Variants in CABLES1 observed in about 807,000 individuals in gnomAD.
CABLES1 encodes CDK5 and ABL1 enzyme substrate 1.
A neutral mutation model predicts 57.8 loss-of-function variants in CABLES1; 36 were observed. The ratio of observed to expected loss-of-function variants is 0.62; its 90% confidence interval spans 0.48 to 0.82. The LOEUF (loss-of-function observed/expected upper bound fraction) is 0.82, where lower values mean the gene tolerates loss of function less well. CABLES1 is among the 40% of genes least tolerant of loss of function. The pLI is 0.00. For missense variants in CABLES1, 767 were observed against 836.6 expected, an observed-to-expected ratio of 0.92 and a Z score of 1.03; for synonymous variants, 374 against 363.0, an observed-to-expected ratio of 1.03 and a Z score of -0.35.
chr18:23,190,322 G>A (rs751501049), intron 2 of CABLES1: 1 of 152,146 alleles, frequency 6.6e-6, no homozygotes, highest in African/African-American at 2.4e-5. Context: ...CATGAATAAC[G>A]TTGAGAAGCC....
chr18:23,162,839 G>A (rs113304254), intron 1 of CABLES1, among the ~76,000 whole-genome samples: 2 of 152,144 alleles, frequency 1.3e-5, no homozygotes, highest in African/African-American at 2.4e-5. Context: ...TATAAGCAGC[G>A]GGAAGAGGGA....
intron 1 of CABLES1, among the ~76,000 whole-genome samples, chr18:23,168,944 G>T (rs759547549): frequency 2.0e-5 from 3 of 152,222 alleles, no homozygotes; most frequent in Non-Finnish European, 4.4e-5. Context: ...CTACTGGGCT[G>T]CATTCCCAGA....
At chr18:23,203,458 TAAA>T (rs10617500) in intron 3 of CABLES1, among the ~76,000 whole-genome samples, 66 of 140,582 alleles carry the variant, frequency 4.7e-4, no homozygotes, top group Non-Finnish European at 7.9e-4. Context: ...TAGGATATGT[TAAA>T]AAAAAAAAAA....
intron 3 of CABLES1, among the ~76,000 whole-genome samples, chr18:23,195,397 A>C (rs930907647): frequency 2.6e-5 from 4 of 152,200 alleles, no homozygotes; most frequent in Admixed American, 2.0e-4. Context: ...ATAGAAGACC[A>C]TATGGGCCCC....
At chr18:23,201,245 C>T (rs1207071139) in intron 3 of CABLES1, among the ~76,000 whole-genome samples, 1 of 152,138 alleles carries the variant, frequency 6.6e-6, no homozygotes, top group Non-Finnish European at 1.5e-5. Flanking sequence ...TGTGTTCCAC[C>T]CCAGGCTCAC....
chr18:23,220,507 T>A (rs942284061), intron 4 of CABLES1, among the ~76,000 whole-genome samples: 5 of 152,208 alleles, frequency 3.3e-5, no homozygotes, highest in Non-Finnish European at 7.3e-5. Context: ...TTGTGTTTGC[T>A]GCTGTGGAGC....
At chr18:23,220,847 C>T (rs2047481833) in intron 4 of CABLES1, among the ~76,000 whole-genome samples, 1 of 152,198 alleles carries the variant, frequency 6.6e-6, no homozygotes, top group Non-Finnish European at 1.5e-5. Context: ...GAAAAATAAT[C>T]TGTGTAATTT....
intron 1 of CABLES1, among the ~76,000 whole-genome samples, chr18:23,137,039 A>C (rs1438328126): frequency 6.6e-6 from 1 of 152,206 alleles, no homozygotes. Flanking sequence ...TGTGAGCCTG[A>C]ACTTGTAGCA....
chr18:23,179,117 C>T (rs984738663), intron 1 of CABLES1, among the ~76,000 whole-genome samples: 2 of 152,074 alleles, frequency 1.3e-5, no homozygotes, highest in African/African-American at 4.8e-5. Context: ...GAAACCCTGT[C>T]TCTACTAAAA....
intron 1 of CABLES1, among the ~76,000 whole-genome samples, chr18:23,162,856 G>T (rs2047014532): frequency 1.3e-5 from 2 of 152,170 alleles, no homozygotes; most frequent in Non-Finnish European, 2.9e-5. Flanking sequence ...GGGAAGCAAA[G>T]CTGTTCATGT....
chr18:23,188,962 A>G, intron 2 of CABLES1, 53 bp downstream of exon 2: 1 of 1,312,502 alleles, frequency 7.6e-7, no homozygotes. Context: ...TGACAGCCAG[A>G]GATTGATTTT....
intron 1 of CABLES1, among the ~76,000 whole-genome samples, chr18:23,175,966 A>G (rs1002830156): frequency 6.6e-6 from 1 of 152,252 alleles, no homozygotes. Context: ...AAGTCAACCA[A>G]TCTACAAGTA....
At chr18:23,236,999 C>G in intron 6 of CABLES1, 143 bp from the exon 7 acceptor site, 1 of 636,444 alleles carries the variant, frequency 1.6e-6, no homozygotes, top group Non-Finnish European at 2.9e-6. Flanking sequence ...TAATAAAAGT[C>G]AGTGAGTGCC....
At chr18:23,200,236 A>G (rs964772181) in intron 3 of CABLES1, among the ~76,000 whole-genome samples, 22 of 152,072 alleles carry the variant, frequency 1.4e-4, no homozygotes, top group African/African-American at 5.3e-4. Flanking sequence ...CTTACAGTGG[A>G]AAAAAGTGTG....
chr18:23,159,153 A>C (rs2046985346), intron 1 of CABLES1, among the ~76,000 whole-genome samples: 1 of 152,132 alleles, frequency 6.6e-6, no homozygotes, highest in South Asian at 2.1e-4. Flanking sequence ...CTAGTAGAGA[A>C]AGGGTTTCGC....
chr18:23,184,025 G>T (rs1033209258), intron 1 of CABLES1, among the ~76,000 whole-genome samples: 1 of 152,130 alleles, frequency 6.6e-6, no homozygotes, highest in East Asian at 1.9e-4. Flanking sequence ...AGTTCACAGG[G>T]CAACCCTTGA....
At chr18:23,197,711 C>T (rs973540097) in intron 3 of CABLES1, 1 of 152,140 alleles carries the variant, frequency 6.6e-6, no homozygotes, top group Non-Finnish European at 1.5e-5. Flanking sequence ...AGGGATGCTG[C>T]TCTCAGCAAC....
At chr18:23,220,703 GC>G (rs1269265213) in intron 4 of CABLES1, among the ~76,000 whole-genome samples, 5 of 152,314 alleles carry the variant, frequency 3.3e-5, no homozygotes, top group Admixed American at 1.3e-4. Flanking sequence ...CCACACACGG[GC>G]TGCCCTCTGG....
chr18:23,183,185 T>C (rs914916267), intron 1 of CABLES1, among the ~76,000 whole-genome samples: 7 of 152,236 alleles, frequency 4.6e-5, no homozygotes, highest in African/African-American at 1.7e-4. Flanking sequence ...TTAGAAATAC[T>C]GGCCCTCGGG....
Sources: allele counts gnomAD v4.1 joint callset (sites outside exome capture counted in the v4.1 genomes callset), GRCh38; gene constraint gnomAD v4.1.1; transcripts MANE v1.5; gene names NCBI Gene and HGNC (gene_info 2026-07-23, HGNC 2026-07-21).